TMEM45A: variants seen among roughly 807,000 people sequenced by gnomAD.
The protein encoded by TMEM45A is DNA polymerase-transactivated protein 4.
In TMEM45A, 25 loss-of-function variants were observed where a neutral mutation model predicts 32.0. The observed-to-expected ratio is 0.78, with a 90% CI of 0.57 to 1.09. The LOEUF is 1.09. TMEM45A is among the 50% of genes least tolerant of loss of function. The pLI, the probability that TMEM45A is intolerant of heterozygous loss-of-function variation, is 0.00. For synonymous variants in TMEM45A, 122 were observed against 114.8 expected (o/e 1.06, Z -0.40); for missense variants, 302 against 325.0 (o/e 0.93, Z 0.54).
chr3:100,503,789 GA>G (rs1708040512), intron 1 of TMEM45A, among the ~76,000 whole-genome samples: 2 of 152,162 alleles, frequency 1.3e-5, no homozygotes, highest in Admixed American at 1.3e-4. Context: ...TTGTCGGGAA[GA>G]GGCTATTATT....
At chr3:100,556,640 G>T (rs565442170) in intron 2 of TMEM45A, 120 bp from the exon 3 acceptor site, 1 of 983,314 alleles carries the variant, frequency 1.0e-6, no homozygotes. Context: ...ACAGCTCAGA[G>T]AGAAGAATTA....
At chr3:100,551,708 G>T (rs1472286496) in intron 1 of TMEM45A, among the ~76,000 whole-genome samples, 1 of 152,176 alleles carries the variant, frequency 6.6e-6, no homozygotes, top group East Asian at 1.9e-4. Flanking sequence ...AACTGTATCT[G>T]TTGGGTTCCT....
At chr3:100,523,791 T>TCTC (rs1251691640) in intron 1 of TMEM45A, among the ~76,000 whole-genome samples, 43 of 127,328 alleles carry the variant, frequency 3.4e-4, no homozygotes, top group Non-Finnish European at 5.9e-4. Context: ...TTCTCCTCCT[T>TCTC]CTTCTCCTTC....
intron 1 of TMEM45A, among the ~76,000 whole-genome samples, chr3:100,529,990 G>A (rs748196550): frequency 1.3e-5 from 2 of 152,082 alleles, no homozygotes; most frequent in African/African-American, 4.8e-5. Context: ...CAGAAAGACC[G>A]TGTCTCTGCT....
chr3:100,502,474 A>G lies in TMEM45A; in HGVS notation c.-4+9546A>G, dbSNP rs148558262. ...TATCTGTGTATCTATCGATCTATCA[A>G]TTTTTTTTTTGAGACAGGGTCCCAC... is the stretch of plus-strand genomic sequence containing the variant. On this transcript the variant is annotated intron_variant, in intron 1 of 5. Transcript: ENST00000323523. Among the ~76,000 whole-genome samples the G allele has an allele frequency of 3.3e-3, 489 of 150,296 alleles. 4 individuals are homozygous for G. The highest frequency in any genetic ancestry group is 5.2e-3 in the Non-Finnish European group (350 of 67,334).
At chr3:100,543,409 G>A (rs1705926190) in intron 1 of TMEM45A, among the ~76,000 whole-genome samples, 2 of 152,142 alleles carry the variant, frequency 1.3e-5, no homozygotes, top group South Asian at 4.1e-4. Flanking sequence ...ATTTTCAACT[G>A]TCCTAGCTAC....
chr3:100,543,922 A>C (rs1440856671), intron 1 of TMEM45A, among the ~76,000 whole-genome samples: 1 of 152,122 alleles, frequency 6.6e-6, no homozygotes, highest in Non-Finnish European at 1.5e-5. Flanking sequence ...CAGTTTCTTC[A>C]TCTGTAAAAT....
chr3:100,538,520 T>G (rs1559644174), intron 1 of TMEM45A, among the ~76,000 whole-genome samples: 1 of 152,210 alleles, frequency 6.6e-6, no homozygotes, highest in Non-Finnish European at 1.5e-5. Context: ...ATGTCCCGTG[T>G]CATCACTCCT....
At chr3:100,539,791 T>C (rs1005964858) in intron 1 of TMEM45A, among the ~76,000 whole-genome samples, 11 of 152,188 alleles carry the variant, frequency 7.2e-5, no homozygotes, top group Non-Finnish European at 1.5e-4. Context: ...CCAATTCAAA[T>C]GCCAATCTCT....
intron 1 of TMEM45A, among the ~76,000 whole-genome samples, chr3:100,547,702 G>A (rs1706007554): frequency 6.6e-6 from 1 of 152,006 alleles, no homozygotes; most frequent in Non-Finnish European, 1.5e-5. Context: ...TGGGTCAACT[G>A]TATTTCCTTG....
At chr3:100,563,830 C>T (rs1706377869) in intron 4 of TMEM45A, among the ~76,000 whole-genome samples, 2 of 152,190 alleles carry the variant, frequency 1.3e-5, no homozygotes, top group South Asian at 4.1e-4. Context: ...TATTGCAAAA[C>T]ACTGATATCT....
At chr3:100,575,226 A>G (rs1029224062) in intron 5 of TMEM45A, among the ~76,000 whole-genome samples, 5 of 152,120 alleles carry the variant, frequency 3.3e-5, no homozygotes, top group African/African-American at 1.2e-4. Context: ...TGCACAGGAA[A>G]AGCTTTGCCT....
At chr3:100,541,980 G>C (rs1204895261) in intron 1 of TMEM45A, among the ~76,000 whole-genome samples, 1 of 151,818 alleles carries the variant, frequency 6.6e-6, no homozygotes, top group Non-Finnish European at 1.5e-5. Flanking sequence ...TTTTATTTCT[G>C]TGTTCTCTAT....
At position 100,547,597 on chromosome 3, in the gene TMEM45A, G is replaced by A. The variant is rs573148609; in HGVS notation, c.-3-7612G>A. ...AGGAGGAGGAGGAGGAGGAGGAAAA[G>A]GAGGGGTTGATCTTTCTTGCTGACT... On this transcript the variant is annotated intron_variant, in intron 1 of 5. Transcript: ENST00000323523. Among the ~76,000 whole-genome samples, 20 of 152,184 alleles carry A rather than the reference G, an allele frequency of 1.3e-4. No individual in the cohort carries two copies. The East Asian group carries it at 3.9e-3, about 29-fold the overall frequency.
At chr3:100,516,143 T>C (rs56779007) in intron 1 of TMEM45A, among the ~76,000 whole-genome samples, 10 of 151,876 alleles carry the variant, frequency 6.6e-5, no homozygotes, top group African/African-American at 1.9e-4. Context: ...CAGTAAAAAA[T>C]GTTAAAAAGA....
intron 4 of TMEM45A, among the ~76,000 whole-genome samples, chr3:100,564,266 C>G (rs1327962328): frequency 6.6e-6 from 1 of 152,016 alleles, no homozygotes; most frequent in Non-Finnish European, 1.5e-5. Flanking sequence ...AATAGAAAAC[C>G]TTGGTTGGAT....
chr3:100,515,738 A>G (rs892988420), intron 1 of TMEM45A, among the ~76,000 whole-genome samples: 1 of 152,160 alleles, frequency 6.6e-6, no homozygotes, highest in African/African-American at 2.4e-5. Flanking sequence ...GAAACAAGCC[A>G]GGCACAGAAA....
chr3:100,515,888 A>G (rs574317750), intron 1 of TMEM45A, among the ~76,000 whole-genome samples: 1 of 152,304 alleles, frequency 6.6e-6, no homozygotes, highest in South Asian at 2.1e-4. Context: ...GGGTACAAAT[A>G]TACATTCATA....
chr3:100,519,369 TTGTGTGTGTGTGTGTGCATGTGTG>T, intron 1 of TMEM45A: 1 of 518,974 alleles, frequency 1.9e-6, no homozygotes, highest in Non-Finnish European at 3.4e-6. Flanking sequence ...TGCATACAGG[TTGTGTGTGTGTGTGTGCATGTGTG>T]TGTGTGTGTG....
Sources: gnomAD v4.1 joint callset for allele counts (sites outside exome capture counted in the v4.1 genomes callset) on GRCh38, gnomAD v4.1.1 for gene constraint, MANE v1.5 for transcripts, NCBI Gene and HGNC (gene_info 2026-07-23, HGNC 2026-07-21) for gene names.